SLC2A9: variants seen among roughly 807,000 people sequenced by gnomAD.
The protein encoded by SLC2A9 is solute carrier family 2, facilitated glucose transporter member 9.
A neutral mutation model predicts 50.6 loss-of-function variants in SLC2A9; 39 were observed. That is an observed-to-expected ratio of 0.77 (90% CI 0.60 to 1.01). The LOEUF is 1.01. Among genes scored for constraint, SLC2A9 ranks in the 50% least tolerant of loss-of-function variants. SLC2A9 has a pLI of 0.00. For synonymous variants in SLC2A9, 324 were observed against 276.9 expected (o/e 1.17, Z -1.69); for missense variants, 686 against 677.6 (o/e 1.01, Z -0.14).
intron 6 of SLC2A9, among the ~76,000 whole-genome samples, chr4:9,930,427 G>T (rs777097287): frequency 3.9e-5 from 6 of 152,318 alleles, no homozygotes; most frequent in Non-Finnish European, 8.8e-5. Context: ...TGCTAAACTT[G>T]CAATTGCCTG....
downstream of SLC2A9, chr4:9,799,058 T>C (rs1169940813): frequency 6.6e-6 from 1 of 152,190 alleles, no homozygotes; most frequent in Non-Finnish European, 1.5e-5. Flanking sequence ...ACTCCTATGT[T>C]CCCTGGCTCT....
chr4:9,938,569 C>A lies in SLC2A9; in HGVS notation c.814+3344G>T, dbSNP rs534329139. Among the ~76,000 whole-genome samples the A allele has an allele frequency of 2.6e-5, 4 of 152,242 alleles. No homozygotes were observed. The East Asian group carries it at 7.7e-4, about 29-fold the overall frequency. ...TACAGGCGTGAGCCACTGCGCCTGG[C>A]CGATCTTTTGCTATTATGGTTGTCT... On this transcript the variant is annotated intron_variant, in intron 6 of 11. Coordinates refer to ENST00000264784, the MANE Select transcript of SLC2A9 (RefSeq NM_020041.3).
chr4:9,806,606 A>G (rs939599279), intron 3 of SLC2A9, among the ~76,000 whole-genome samples: 2 of 152,128 alleles, frequency 1.3e-5, no homozygotes, highest in Non-Finnish European at 2.9e-5. Context: ...AGCTGGTCTC[A>G]GCATTTGGCT....
At chr4:10,021,897 T>C (rs551754806), upstream of SLC2A9, among the ~76,000 whole-genome samples, 3 of 151,592 alleles carry the variant, frequency 2.0e-5, no homozygotes, top group South Asian at 6.2e-4. Context: ...TGGAGTGCAC[T>C]GATGCAATCT....
chr4:9,986,342 C>T (rs960350681), intron 3 of SLC2A9, among the ~76,000 whole-genome samples: 8 of 152,164 alleles, frequency 5.3e-5, no homozygotes, highest in Non-Finnish European at 1.0e-4. Flanking sequence ...GATTCTGGTT[C>T]TGGAAATGGA....
chr4:10,016,426 T>C (rs1393062506), intron 2 of SLC2A9, among the ~76,000 whole-genome samples: 1 of 152,154 alleles, frequency 6.6e-6, no homozygotes, highest in African/African-American at 2.4e-5. Flanking sequence ...CTGAGCTGAT[T>C]AACGCATGAA....
chr4:10,002,737 C>G (rs1246448671), intron 2 of SLC2A9, among the ~76,000 whole-genome samples: 1 of 152,102 alleles, frequency 6.6e-6, no homozygotes, highest in Admixed American at 6.6e-5. Context: ...CCTCTAGTCC[C>G]AGCTACTCTG....
intron 3 of SLC2A9, among the ~76,000 whole-genome samples, chr4:9,790,579 A>C (rs1001369269): frequency 2.0e-5 from 3 of 152,144 alleles, no homozygotes; most frequent in Non-Finnish European, 4.4e-5. Context: ...CTGGTTAATA[A>C]ATGATTTCTA....
intron 5 of SLC2A9, among the ~76,000 whole-genome samples, chr4:9,954,097 C>T (rs1012662438): frequency 6.6e-6 from 1 of 152,164 alleles, no homozygotes; most frequent in African/African-American, 2.4e-5. Flanking sequence ...GCTTGAGCCA[C>T]TGCGCCCAGC....
intron 7 of SLC2A9, among the ~76,000 whole-genome samples, chr4:9,908,627 T>A (rs904014609): frequency 1.3e-5 from 2 of 152,118 alleles, no homozygotes. Flanking sequence ...TATGTATACA[T>A]GTGCCATGTT....
At chr4:9,950,971 T>A (rs952449948) in intron 5 of SLC2A9, among the ~76,000 whole-genome samples, 14 of 149,488 alleles carry the variant, frequency 9.4e-5, no homozygotes, top group Admixed American at 9.3e-4. Flanking sequence ...TACCATTCAA[T>A]CCAGCAATCT....
rs766723004 is a variant in SLC2A9, at chr4:9,879,407, C to T, written c.1291+8160G>A. Reference sequence around the variant, plus strand: ...ATGTGTGTGTGTGTGTGTGTTTGTGCGTGTGGGGCAGGGGGCAGCTGCCTG... The same window carrying T: ...ATGTGTGTGTGTGTGTGTGTTTGTGTGTGTGGGGCAGGGGGCAGCTGCCTG... On this transcript the variant is annotated intron_variant, in intron 10 of 11. Coordinates refer to ENST00000264784, the MANE Select transcript of SLC2A9 (RefSeq NM_020041.3). 79 of 984,258 alleles carry T rather than the reference C, an allele frequency of 8.0e-5. 1 individual carries two copies. The highest frequency in any genetic ancestry group is 1.9e-4 in the South Asian group (4 of 21,246). 61.0% of individuals were successfully genotyped at this position (984,258 alleles called of 1,614,324 possible). A position where few individuals can be genotyped will look rare whatever the true frequency, so the allele number is the denominator to read the frequency against.
intron 7 of SLC2A9, among the ~76,000 whole-genome samples, chr4:9,916,216 G>A (rs901901240): frequency 2.6e-5 from 4 of 152,142 alleles, no homozygotes; most frequent in African/African-American, 7.2e-5. Context: ...AGTACACAAC[G>A]ATTTCCCAAC....
At chr4:9,899,156 G>A (rs563686837) in intron 8 of SLC2A9, among the ~76,000 whole-genome samples, 3 of 152,332 alleles carry the variant, frequency 2.0e-5, no homozygotes, top group East Asian at 1.9e-4. Flanking sequence ...GGGCCACCCC[G>A]CAGGCATCCC....
intron 3 of SLC2A9, among the ~76,000 whole-genome samples, chr4:9,788,745 T>A (rs375364165): frequency 6.6e-6 from 1 of 152,198 alleles, no homozygotes; most frequent in Admixed American, 6.5e-5. Flanking sequence ...TAGATTTGAT[T>A]AGTGGGAGCC....
intron 8 of SLC2A9, among the ~76,000 whole-genome samples, chr4:9,906,370 A>G (rs1027402455): frequency 6.6e-6 from 1 of 152,226 alleles, no homozygotes; most frequent in Non-Finnish European, 1.5e-5. Context: ...AGAAGGATAA[A>G]TCGTTCAGCA....
At position 10,033,116 on chromosome 4, in the gene SLC2A9, C is replaced by T. The variant is rs115066640; in HGVS notation, c.-41+7014G>A. Among the ~76,000 whole-genome samples the T allele has an allele frequency of 5.2e-3, 798 of 152,308 alleles. 7 individuals carry two copies. Among genetic ancestry groups the T allele is most frequent in the Middle Eastern group, 0.02 (6 of 294 alleles). Reference sequence around the variant, plus strand: ...GTCTAACTCAGTTTCCTCCTTTTGTCCAGGGCTCCATGAAAATCAAATTTC... The same window carrying T: ...GTCTAACTCAGTTTCCTCCTTTTGTTCAGGGCTCCATGAAAATCAAATTTC... On this transcript the variant is annotated intron_variant, in intron 1 of 12. Coordinates refer to the SLC2A9 transcript ENST00000309065.
intron 6 of SLC2A9, among the ~76,000 whole-genome samples, chr4:9,931,156 C>T (rs780356346): frequency 3.3e-5 from 5 of 152,166 alleles, no homozygotes; most frequent in Non-Finnish European, 5.9e-5. Flanking sequence ...TCTTCACTCT[C>T]CAAGTCATTT....
At chr4:9,786,441 T>C (rs1719228461) in intron 3 of SLC2A9, among the ~76,000 whole-genome samples, 1 of 152,198 alleles carries the variant, frequency 6.6e-6, no homozygotes, top group Non-Finnish European at 1.5e-5. Flanking sequence ...GATCAGGACA[T>C]TCAGTTTTTT....
Sources: allele counts gnomAD v4.1 joint callset (sites outside exome capture counted in the v4.1 genomes callset), GRCh38; gene constraint gnomAD v4.1.1; transcripts MANE v1.5; gene names NCBI Gene and HGNC (gene_info 2026-07-23, HGNC 2026-07-21).